The following EED variants were observed in gnomAD, a reference collection of about 807,000 sequenced individuals.
EED encodes the protein polycomb protein EED.
Under a neutral mutation model 61.0 loss-of-function variants are expected in EED, and 9 were observed. That is an observed-to-expected ratio of 0.15 (90% CI 0.09 to 0.26). The LOEUF (loss-of-function observed/expected upper bound fraction) is 0.26, where lower values mean the gene tolerates loss of function less well. Ranked by LOEUF, EED falls within the 10% of genes least tolerant of loss-of-function variation. The pLI is 1.00. For synonymous variants in EED, 187 were observed against 174.4 expected, an observed-to-expected ratio of 1.07 and a Z score of -0.57; for missense variants, 315 against 542.3, an observed-to-expected ratio of 0.58 and a Z score of 4.16.
chr11:86,284,214 C>T, the EED span: 2 of 152,366 alleles, frequency 1.3e-5, no homozygotes, highest in South Asian at 4.2e-4. Flanking sequence ...TCAAAGCCTT[C>T]CACACCAATG....
chr11:86,287,318 C>T, the EED span, among the ~76,000 whole-genome samples: 1 of 152,172 alleles, frequency 6.6e-6, no homozygotes, highest in Non-Finnish European at 1.5e-5. Context: ...TCTGTAACTT[C>T]CCCTGCTTTC....
rs149589497 is a variant in EED at position 86,273,905 on chromosome 11, A to T, written c.967-3075A>T. Among the ~76,000 whole-genome samples the T allele has an allele frequency of 7.3e-3, 1,113 of 152,066 alleles. 11 individuals carry two copies. The highest frequency in any genetic ancestry group is 0.025 in the African/African-American group (1,026 of 41,442). On this transcript the variant is annotated intron_variant, in intron 9 of 11. Coordinates refer to ENST00000263360, the MANE Select transcript of EED (RefSeq NM_003797.5). ...TTGAGTGCGATATGACTTGATGTGG[A>T]TTTCTTTGGGTTTGTCTTGTTTGGG...
intron 9 of EED, among the ~76,000 whole-genome samples, chr11:86,275,013 GAA>G (rs1946196918): frequency 6.6e-6 from 1 of 152,136 alleles, no homozygotes; most frequent in Non-Finnish European, 1.5e-5. Context: ...TCATTGGCTA[GAA>G]AAAGCAGGCT....
chr11:86,245,023 G>A lies in EED; in HGVS notation c.-207G>A. 1 of 469,970 alleles carries A rather than the reference G, an allele frequency of 2.1e-6. No individual in the cohort carries two copies. Among genetic ancestry groups the A allele is most frequent in the Non-Finnish European group, 3.8e-6 (1 of 264,556 alleles). 29.1% of individuals were successfully genotyped at this position (469,970 alleles called of 1,614,324 possible). On this transcript the variant is annotated 5_prime_UTR_variant, in exon 1 of 12. Coordinates refer to ENST00000263360, the MANE Select transcript of EED (RefSeq NM_003797.5). ...GAGCCAGGAAGCCGCGCGGGAGGGC[G>A]CGCGCGCGCGCCCCTTTTTCAGCAG...
At chr11:86,286,934 T>C in the EED span, among the ~76,000 whole-genome samples, 1 of 129,208 alleles carries the variant, frequency 7.7e-6, no homozygotes, top group Non-Finnish European at 1.5e-5. Context: ...ATAGCGCCAC[T>C]GCACTCCTGC....
downstream of EED, among the ~76,000 whole-genome samples, chr11:86,279,960 A>T (rs1946304485): frequency 6.6e-6 from 1 of 152,230 alleles, no homozygotes; most frequent in South Asian, 2.1e-4. Flanking sequence ...GCAAAATGAG[A>T]TTGCCTAGGT....
Position 86,266,080 on chromosome 11 carries a change from C to T in EED, c.727-3C>T. 3 of 1,577,912 alleles carry T rather than the reference C, an allele frequency of 1.9e-6. No homozygotes were observed. Among genetic ancestry groups the T allele is most frequent in the Non-Finnish European group, 2.6e-6 (3 of 1,165,954 alleles). ...ATATAAAACTTTTTGGTTTTGCATA[C>T]AGGATTATGATCTTTTGGGTGAAAA... On this transcript the variant is annotated splice_polypyrimidine_tract_variant and splice_region_variant and intron_variant, in intron 7 of 11. Transcript: ENST00000263360.
intron 9 of EED, 146 bp from the exon 10 acceptor site, chr11:86,276,834 A>G: frequency 1.9e-6 from 1 of 530,504 alleles, no homozygotes; most frequent in Non-Finnish European, 2.9e-6. Flanking sequence ...GTAAATATAA[A>G]TGAATGTACA....
Position 86,276,997 on chromosome 11 carries a change from T to C in EED, c.984T>C (p.Ile328=). ...TGTTTTAGTCTTGTGAAAATGCCAT[T>C]GTGTGCTGGAAACCTGGCAAGATGG... The part of the protein sequence containing the change: ...LILSKSCENA[I]VCWKPGKMED... The change falls in exon 10 of 12, where the codon ATT becomes ATC. Residue 328 remains isoleucine, a synonymous_variant. Coordinates refer to ENST00000263360, the MANE Select transcript of EED (RefSeq NM_003797.5). 1.3e-6 allele frequency: 2 copies of C among 1,517,520 alleles called. No individual in the cohort carries two copies. Among genetic ancestry groups the C allele is most frequent in the Non-Finnish European group, 1.8e-6 (2 of 1,119,284 alleles). The allele number at this position is 1,517,520 out of a possible 1,614,324, so 94.0% of individuals were successfully genotyped here. A position where few individuals can be genotyped will look rare whatever the true frequency, so the allele number is the denominator to read the frequency against.
chr11:86,278,620 G>A lies in EED; in HGVS notation c.*95G>A, dbSNP rs181685840. On this transcript the variant is annotated 3_prime_UTR_variant, in exon 12 of 12. Transcript: ENST00000263360. The stretch of plus-strand genomic sequence containing the variant: ...AGTAAGGGCACGTAGAGCATTTAGA[G>A]TTGTCTTTCAGCATTCAATCAGGCT... 3,231 of 1,495,596 alleles carry A rather than the reference G, an allele frequency of 2.2e-3. 13 individuals carry two copies. Among genetic ancestry groups the A allele is most frequent in the Non-Finnish European group, 2.1e-3 (2,306 of 1,110,342 alleles). 92.6% of individuals were successfully genotyped at this position (1,495,596 alleles called of 1,614,324 possible).
At chr11:86,246,529 T>C (rs1945396580) in intron 1 of EED, among the ~76,000 whole-genome samples, 1 of 152,212 alleles carries the variant, frequency 6.6e-6, no homozygotes, top group East Asian at 1.9e-4. Context: ...AGGATTCTTT[T>C]TGCAGAGACA....
At chr11:86,273,036 TC>T (rs1057246891) in intron 9 of EED, among the ~76,000 whole-genome samples, 45 of 152,322 alleles carry the variant, frequency 3.0e-4, no homozygotes, top group African/African-American at 1.1e-3. Context: ...TATTTTTTTT[TC>T]TCCAGAAATA....
chr11:86,245,244 A>T lies in EED; in HGVS notation c.15A>T (p.Glu5Asp). The T allele has an allele frequency of 6.2e-7, 1 of 1,612,596 alleles. No individual in the cohort carries two copies. Among genetic ancestry groups the T allele is most frequent in the Non-Finnish European group, 8.5e-7 (1 of 1,179,362 alleles). The change falls in exon 1 of 12, where the codon GAA becomes GAT. Residue 5 changes from glutamate (E) to aspartate (D), a missense_variant. Around this residue, in one of 2 missense-constraint regions of EED, gnomAD observed 110 missense variants for 86.9 expected, o/e 1.27. Transcript: ENST00000263360. ...GGCGGAGGAATATGTCCGAGAGGGA[A>T]GTGTCGACTGCGCCGGCGGGAACAG... MSER[E>D]VSTAPAGTDM...
At chr11:86,274,611 G>T (rs1048041891) in intron 9 of EED, among the ~76,000 whole-genome samples, 13 of 152,180 alleles carry the variant, frequency 8.5e-5, no homozygotes, top group Non-Finnish European at 1.9e-4. Context: ...TTACTGCTCA[G>T]TCGGGGTGGG....
chr11:86,282,088 A>G (rs547567529), downstream of EED, among the ~76,000 whole-genome samples: 5 of 152,334 alleles, frequency 3.3e-5, no homozygotes, highest in South Asian at 2.1e-4. Context: ...TTATCTATAC[A>G]TCTACACCAG....
At chr11:86,246,596 A>G (rs1337850476) in intron 1 of EED, among the ~76,000 whole-genome samples, 3 of 152,192 alleles carry the variant, frequency 2.0e-5, no homozygotes, top group Non-Finnish European at 4.4e-5. Context: ...AATTTCAGAA[A>G]AGCTTGGGTG....
chr11:86,249,964 TC>T (rs894868396), intron 1 of EED, among the ~76,000 whole-genome samples: 2 of 152,210 alleles, frequency 1.3e-5, no homozygotes, highest in Non-Finnish European at 2.9e-5. Context: ...TTTCAGCACT[TC>T]CAGTACCTTT....
At chr11:86,255,514 T>C (rs1945646547) in intron 4 of EED, among the ~76,000 whole-genome samples, 1 of 152,142 alleles carries the variant, frequency 6.6e-6, no homozygotes, top group African/African-American at 2.4e-5. Flanking sequence ...GAATCCATTG[T>C]GGGATGGATG....
intron 6 of EED, chr11:86,263,894 C>T: frequency 2.8e-6 from 1 of 361,702 alleles, no homozygotes; most frequent in Non-Finnish European, 5.1e-6. Context: ...GCCCCCATGA[C>T]CTAAATACCT....
Sources: allele counts gnomAD v4.1 joint callset (sites outside exome capture counted in the v4.1 genomes callset), GRCh38; gene constraint gnomAD v4.1.1; regional missense constraint gnomAD v4.1.1; transcripts MANE v1.5; gene names NCBI Gene and HGNC (gene_info 2026-07-23, HGNC 2026-07-21).